CCND3: variants seen among roughly 807,000 people sequenced by gnomAD.
CCND3 encodes cyclin D3.
Under a neutral mutation model 28.7 loss-of-function variants are expected in CCND3, and 9 were observed. The observed-to-expected ratio is 0.31, with a 90% CI of 0.19 to 0.55. The LOEUF is 0.55. Ranked by LOEUF, CCND3 falls within the 20% of genes least tolerant of loss-of-function variation. CCND3 has a pLI of 0.93. For synonymous variants in CCND3, 164 were observed against 163.9 expected (o/e 1.00, Z 0.00); for missense variants, 315 against 385.8 (o/e 0.82, Z 1.54).
At chr6:42,043,309 G>A (rs1165079249) in intron 1 of CCND3, among the ~76,000 whole-genome samples, 2 of 152,220 alleles carry the variant, frequency 1.3e-5, no homozygotes, top group Non-Finnish European at 2.9e-5. Flanking sequence ...AGGCCGAGGC[G>A]GATGGATCCT....
chr6:42,009,986 G>A (rs931580807), intron 1 of CCND3, among the ~76,000 whole-genome samples: 2 of 152,118 alleles, frequency 1.3e-5, no homozygotes, highest in African/African-American at 4.8e-5. Flanking sequence ...TCAGCAAACA[G>A]GCCCTCCAAG....
chr6:41,992,029 G>A (rs1762661531), intron 1 of CCND3, among the ~76,000 whole-genome samples: 1 of 152,172 alleles, frequency 6.6e-6, no homozygotes, highest in Non-Finnish European at 1.5e-5. Flanking sequence ...TATCTTGATT[G>A]TTGTCAATAG....
intron 1 of CCND3, among the ~76,000 whole-genome samples, chr6:41,975,754 T>A (rs1762161667): frequency 6.6e-6 from 1 of 150,662 alleles, no homozygotes; most frequent in South Asian, 2.1e-4. Context: ...TTTTTTTTTT[T>A]AAGTATCGAG....
chr6:42,028,587 A>G (rs999652758), intron 1 of CCND3, among the ~76,000 whole-genome samples: 4 of 152,214 alleles, frequency 2.6e-5, no homozygotes, highest in African/African-American at 9.6e-5. Context: ...GCCCTCCGCC[A>G]GCAGCCTCCC....
intron 1 of CCND3, chr6:41,940,999 T>C (rs749362431): frequency 8.1e-6 from 13 of 1,612,732 alleles, no homozygotes; most frequent in Non-Finnish European, 8.5e-6. Context: ...GCACTTTTCA[T>C]TTCCCTGTCG....
chr6:41,975,922 G>C (rs905409603), intron 1 of CCND3, among the ~76,000 whole-genome samples: 3 of 151,872 alleles, frequency 2.0e-5, no homozygotes, highest in African/African-American at 7.3e-5. Context: ...GCTCACTGCA[G>C]CCTCGAACTC....
intron 1 of CCND3, among the ~76,000 whole-genome samples, chr6:41,959,394 A>G (rs1358967823): frequency 6.6e-6 from 1 of 151,816 alleles, no homozygotes; most frequent in East Asian, 2.0e-4. Flanking sequence ...AATGGAAATA[A>G]CCCAGGCCAG....
At chr6:42,049,507 T>A (rs2127444927), upstream of CCND3, 2 of 152,376 alleles carry the variant, frequency 1.3e-5, no homozygotes, top group South Asian at 4.1e-4. Context: ...AGAATCTGCG[T>A]CCTGCCAGGC....
intron 1 of CCND3, among the ~76,000 whole-genome samples, chr6:41,951,066 T>C (rs1355828361): frequency 6.6e-6 from 1 of 152,050 alleles, no homozygotes; most frequent in African/African-American, 2.4e-5. Flanking sequence ...TCCTCCATGA[T>C]GCAGGAATCC....
intron 2 of CCND3, 21 bp downstream of exon 2, chr6:41,940,348 GT>G: frequency 4.4e-6 from 7 of 1,584,774 alleles, no homozygotes; most frequent in Non-Finnish European, 6.1e-6. Context: ...CGTGTCGGGG[GT>G]GGGGGGAGTT....
intron 1 of CCND3, among the ~76,000 whole-genome samples, chr6:42,006,907 CA>C (rs34010973): frequency 1.6e-3 from 189 of 115,780 alleles, no homozygotes; most frequent in Admixed American, 2.9e-3. Context: ...GACTCTGTCT[CA>C]AAAAAAAAAA....
intron 1 of CCND3, among the ~76,000 whole-genome samples, chr6:42,007,278 A>C (rs891612181): frequency 6.6e-6 from 1 of 152,224 alleles, no homozygotes; most frequent in Non-Finnish European, 1.5e-5. Flanking sequence ...AAATGGTTAA[A>C]GAAAGAAAAA....
intron 1 of CCND3, among the ~76,000 whole-genome samples, chr6:42,002,770 C>G (rs1763051275): frequency 1.3e-5 from 2 of 151,808 alleles, no homozygotes; most frequent in Admixed American, 6.6e-5. Flanking sequence ...AGGACAATGG[C>G]GTGAACCCGG....
Position 42,048,294 on chromosome 6 carries a change from G to A in CCND3, c.-46+207C>T. The A allele has an allele frequency of 6.3e-6, 2 of 316,738 alleles. No individual in the cohort carries two copies. Among genetic ancestry groups the A allele is most frequent in the Non-Finnish European group, 1.2e-5 (2 of 161,098 alleles). The allele number at this position is 316,738 out of a possible 1,614,324, so 19.6% of individuals were successfully genotyped here. On this transcript the variant is annotated intron_variant, in intron 1 of 4. Transcript: ENST00000372988. The surrounding 1 kb of genome is among the most constrained non-coding windows in gnomAD (Gnocchi z 4.7). ...GTGCCGATGTGTGTACATACAGAGG[G>A]CTCAGGGCCTTTGGGGGTTTCTCTG...
chr6:42,040,503 C>A (rs928703450), intron 1 of CCND3, among the ~76,000 whole-genome samples: 3 of 152,074 alleles, frequency 2.0e-5, no homozygotes, highest in African/African-American at 7.2e-5. Flanking sequence ...ATACAACCAG[C>A]TATATGACTT....
chr6:42,030,351 C>T (rs1764009230), intron 1 of CCND3, among the ~76,000 whole-genome samples: 1 of 152,130 alleles, frequency 6.6e-6, no homozygotes, highest in East Asian at 1.9e-4. Context: ...GGGGCAGTGA[C>T]TTGAACCCTC....
At chr6:42,039,096 T>C (rs1420021223) in intron 1 of CCND3, among the ~76,000 whole-genome samples, 1 of 152,218 alleles carries the variant, frequency 6.6e-6, no homozygotes, top group Non-Finnish European at 1.5e-5. Flanking sequence ...AGGCTTAACA[T>C]AATGCTTAAC....
intron 1 of CCND3, among the ~76,000 whole-genome samples, chr6:41,982,621 A>C (rs964198163): frequency 1.3e-5 from 2 of 152,218 alleles, no homozygotes; most frequent in African/African-American, 4.8e-5. Context: ...CAGAGTAGCC[A>C]ACATAATATT....
chr6:42,032,298 G>A (rs1764068080), intron 1 of CCND3, among the ~76,000 whole-genome samples: 1 of 152,112 alleles, frequency 6.6e-6, no homozygotes. Flanking sequence ...TGTTGTCCAG[G>A]CTGGCCTTGA....
Sources: gnomAD v4.1 joint callset for allele counts (sites outside exome capture counted in the v4.1 genomes callset) on GRCh38, gnomAD v4.1.1 for gene constraint, Gnocchi (gnomAD v3.1) non-coding constraint, MANE v1.5 for transcripts, NCBI Gene and HGNC (gene_info 2026-07-23, HGNC 2026-07-21) for gene names.